Variants in EIF4EBP1 observed in about 807,000 individuals in gnomAD.
EIF4EBP1 encodes eukaryotic translation initiation factor 4E binding protein 1.
EIF4EBP1 carries 5 observed loss-of-function variants against 9.2 expected under a neutral mutation model. The ratio of observed to expected loss-of-function variants is 0.54; its 90% CI spans 0.28 to 1.14. EIF4EBP1 has a LOEUF of 1.14. Ranked by LOEUF, EIF4EBP1 falls within the 50% of genes most tolerant of loss-of-function variation. EIF4EBP1 has a pLI of 0.09. For missense variants in EIF4EBP1, 139 were observed against 169.6 expected (o/e 0.82, Z 1.00); for synonymous variants, 62 against 67.0 (o/e 0.93, Z 0.36).
At chr8:38,059,348 T>A (rs1200182592) in intron 2 of EIF4EBP1, among the ~76,000 whole-genome samples, 1 of 152,186 alleles carries the variant, frequency 6.6e-6, no homozygotes, top group South Asian at 2.1e-4. Flanking sequence ...GTGACATGCC[T>A]GCTCCCGCTT....
chr8:38,043,703 A>T (rs931770684), intron 1 of EIF4EBP1, among the ~76,000 whole-genome samples: 2 of 152,058 alleles, frequency 1.3e-5, no homozygotes, highest in Non-Finnish European at 2.9e-5. Context: ...CCTCAGAGGG[A>T]GAGGCTGCCG....
In EIF4EBP1 at chr8:38,038,423, G is replaced by A. The variant is rs184734189; in HGVS notation, c.145+7705G>A. Among the ~76,000 whole-genome samples, 1,462 of 147,618 alleles carry A rather than the reference G, an allele frequency of 9.9e-3. 23 individuals are homozygous for A. The highest frequency in any genetic ancestry group is 0.034 in the African/African-American group (1,381 of 40,132). Reference sequence around the variant, plus strand: ...CTCAGGAGGCTGAGGCAGAAGAATCGCTTGAACCCGGGAGACAGAGGTTGC... The same window carrying A: ...CTCAGGAGGCTGAGGCAGAAGAATCACTTGAACCCGGGAGACAGAGGTTGC... On this transcript the variant is annotated intron_variant, in intron 1 of 2. Coordinates refer to ENST00000338825, the MANE Select transcript of EIF4EBP1 (RefSeq NM_004095.4).
chr8:38,057,414 G>A (rs1361243185), intron 2 of EIF4EBP1, among the ~76,000 whole-genome samples, 154 bp downstream of exon 2: 2 of 152,352 alleles, frequency 1.3e-5, no homozygotes, highest in East Asian at 3.9e-4. Context: ...GGTGAGAGTA[G>A]GGGTGGGGAG....
intron 1 of EIF4EBP1, among the ~76,000 whole-genome samples, chr8:38,053,427 A>G (rs908767122): frequency 2.0e-5 from 3 of 151,600 alleles, no homozygotes; most frequent in Non-Finnish European, 4.4e-5. Flanking sequence ...ATCTCAGCTC[A>G]CTGCAGCCTC....
chr8:38,054,796 G>T (rs1274509465), intron 1 of EIF4EBP1, among the ~76,000 whole-genome samples: 1 of 152,162 alleles, frequency 6.6e-6, no homozygotes, highest in Non-Finnish European at 1.5e-5. Flanking sequence ...CAAAGAGAGG[G>T]CACCACTGCT....
At chr8:38,042,383 A>G (rs995783123) in intron 1 of EIF4EBP1, among the ~76,000 whole-genome samples, 4 of 152,192 alleles carry the variant, frequency 2.6e-5, no homozygotes, top group African/African-American at 9.7e-5. Flanking sequence ...TGGTGTAAAC[A>G]GATTTCTCTC....
intron 1 of EIF4EBP1, among the ~76,000 whole-genome samples, chr8:38,031,159 C>G (rs924114924): frequency 6.6e-6 from 1 of 152,132 alleles, no homozygotes; most frequent in Non-Finnish European, 1.5e-5. Flanking sequence ...TTTTTCCTTC[C>G]CGAAGCACGC....
intron 1 of EIF4EBP1, among the ~76,000 whole-genome samples, chr8:38,032,487 G>A (rs978809396): frequency 4.6e-5 from 7 of 152,278 alleles, no homozygotes; most frequent in East Asian, 1.9e-4. Context: ...GTGACAGAGC[G>A]AGACCCTATC....
At chr8:38,059,812 C>T (rs1362045164) in intron 2 of EIF4EBP1, 92 bp from the exon 3 acceptor site, 1 of 1,192,104 alleles carries the variant, frequency 8.4e-7, no homozygotes, top group Non-Finnish European at 1.2e-6. Flanking sequence ...ATTACCCAAC[C>T]TCAGGTATTT....
chr8:38,059,525 G>T (rs1027220330), intron 2 of EIF4EBP1, among the ~76,000 whole-genome samples: 57 of 152,220 alleles, frequency 3.7e-4, no homozygotes, highest in African/African-American at 1.3e-3. Flanking sequence ...GCTGAGGAGG[G>T]TGGATCATCT....
chr8:38,052,238 G>A (rs1809535952), intron 1 of EIF4EBP1, among the ~76,000 whole-genome samples: 4 of 151,882 alleles, frequency 2.6e-5, no homozygotes. Context: ...TCTGCAGCAG[G>A]TGTCTTCAGC....
At chr8:38,036,693 G>T (rs978660269) in intron 1 of EIF4EBP1, among the ~76,000 whole-genome samples, 6 of 149,488 alleles carry the variant, frequency 4.0e-5, no homozygotes, top group South Asian at 4.2e-4. Flanking sequence ...TTGAAACAGG[G>T]TCTCACTTTG....
chr8:38,059,892 CT>C lies in EIF4EBP1; in HGVS notation c.326-11del. 6.2e-7 allele frequency: 1 copy of C among 1,612,176 alleles called. No homozygotes were observed. On this transcript the variant is annotated splice_polypyrimidine_tract_variant and intron_variant, in intron 2 of 2. Coordinates refer to ENST00000338825, the MANE Select transcript of EIF4EBP1 (RefSeq NM_004095.4). ...CATTGTTGACCTGGCCCTCTGTCCC[CT>C]CTCTCCCCAGGTGAAGAGTCACAGT...
chr8:38,057,029 C>A (rs993149003), intron 1 of EIF4EBP1, 52 bp from the exon 2 acceptor site: 1 of 1,592,428 alleles, frequency 6.3e-7, no homozygotes, highest in African/African-American at 1.4e-5. Flanking sequence ...GTGGAAAAAC[C>A]GGCAGGCAAG....
chr8:38,058,411 C>T (rs1425564912), intron 2 of EIF4EBP1, among the ~76,000 whole-genome samples: 1 of 152,114 alleles, frequency 6.6e-6, no homozygotes, highest in East Asian at 1.9e-4. Context: ...CTGTGGTAAC[C>T]CATTAATCCA....
chr8:38,037,426 C>T (rs1448160022), intron 1 of EIF4EBP1, among the ~76,000 whole-genome samples: 4 of 152,116 alleles, frequency 2.6e-5, no homozygotes, highest in Admixed American at 1.3e-4. Flanking sequence ...AAGTGACTCT[C>T]CTGCCTCGCC....
intron 1 of EIF4EBP1, among the ~76,000 whole-genome samples, chr8:38,034,318 G>A (rs1191544105): frequency 6.6e-6 from 1 of 152,148 alleles, no homozygotes; most frequent in Non-Finnish European, 1.5e-5. Context: ...AAACTGCTGG[G>A]ATTGTAGGCA....
intron 1 of EIF4EBP1, among the ~76,000 whole-genome samples, chr8:38,034,203 T>C (rs1293391888): frequency 2.0e-5 from 3 of 151,822 alleles, no homozygotes; most frequent in Admixed American, 6.6e-5. Context: ...CGTGCCACCA[T>C]GCCCTGCTAA....
At position 38,035,162 on chromosome 8, in the gene EIF4EBP1, G is replaced by C. The variant is rs1171375871; in HGVS notation, c.145+4444G>C. On this transcript the variant is annotated intron_variant, in intron 1 of 2. Coordinates refer to ENST00000338825, the MANE Select transcript of EIF4EBP1 (RefSeq NM_004095.4). Reference sequence around the variant, plus strand: ...CTGTGTCCCTTATTAAAGATTTGGTGGGGGGTTCCTGGTGTAGAGCACTCC... The same window carrying C: ...CTGTGTCCCTTATTAAAGATTTGGTCGGGGGTTCCTGGTGTAGAGCACTCC... Among the ~76,000 whole-genome samples the C allele has an allele frequency of 2.6e-5, 4 of 152,126 alleles. No homozygotes were observed. In the East Asian group the frequency reaches 7.7e-4, roughly 29 times the overall value.
Sources: gnomAD v4.1 joint callset for allele counts (sites outside exome capture counted in the v4.1 genomes callset) on GRCh38, gnomAD v4.1.1 for gene constraint, MANE v1.5 for transcripts, NCBI Gene and HGNC (gene_info 2026-07-23, HGNC 2026-07-21) for gene names.